OR51M1: variants seen among roughly 807,000 people sequenced by gnomAD.
OR51M1 encodes the protein olfactory receptor 51M1.
For synonymous variants in OR51M1, 199 were observed against 155.1 expected (o/e 1.28, Z -2.10); for missense variants, 509 against 404.4 (o/e 1.26, Z -2.22).
rs193045218 is a variant in OR51M1 at position 5,389,742 on chromosome 11, G to A, written c.344G>A (p.Cys115Tyr). 8.7e-5 allele frequency: 141 copies of A among 1,613,940 alleles called. No homozygotes were observed. In the East Asian group the frequency reaches 3.1e-3, roughly 35 times the overall value. ...YFGACQIQMF[C>Y]IHSFSFMESS... ...GGAGCGTGTCAAATCCAGATGTTCT[G>A]CATCCACTCTTTTTCCTTCATGGAG... The change falls in exon 3 of 3, where the codon TGC becomes TAC. Residue 115 changes from cysteine (C) to tyrosine (Y), a missense_variant. Cys to Tyr is a radical substitution (Grantham distance 194). Coordinates refer to ENST00000642046, the MANE Select transcript of OR51M1 (RefSeq NM_001004756.3).
intron 2 of OR51M1, among the ~76,000 whole-genome samples, chr11:5,387,887 C>G (rs1460585035): frequency 6.6e-6 from 1 of 151,106 alleles, no homozygotes; most frequent in Non-Finnish European, 1.5e-5. Context: ...ATTACATTAC[C>G]TTGCATTGCA....
In OR51M1 at chr11:5,390,100, G is replaced by A; in HGVS notation, c.702G>A (p.Leu234=). Reference sequence around the variant, plus strand: ...TCGCACTGTCCTATGGACTCATCCTGCACACAGTAGCAGGCCTGGCCTCCC... The same window carrying A: ...TCGCACTGTCCTATGGACTCATCCTACACACAGTAGCAGGCCTGGCCTCCC... ...VLIALSYGLI[L]HTVAGLASQE... Residue 234 remains leucine, a synonymous_variant, in exon 3 of 3, where the codon CTG becomes CTA. Coordinates refer to ENST00000642046, the MANE Select transcript of OR51M1 (RefSeq NM_001004756.3). 6.2e-7 allele frequency: 1 copy of A among 1,613,698 alleles called. No individual in the cohort carries two copies. Among genetic ancestry groups the A allele is most frequent in the South Asian group, 1.1e-5 (1 of 91,088 alleles).
Position 5,390,503 on chromosome 11 carries a change from G to T in OR51M1, c.*124G>T. 1 of 787,882 alleles carries T rather than the reference G, an allele frequency of 1.3e-6. No individual in the cohort carries two copies. Among genetic ancestry groups the T allele is most frequent in the Admixed American group, 3.1e-5 (1 of 32,548 alleles). The allele number at this position is 787,882 out of a possible 1,614,324, so 48.8% of individuals were successfully genotyped here. The stretch of plus-strand genomic sequence containing the variant: ...TTGCCCCTGTCCTAAATAAAATATG[G>T]GCAAATTTATGTCTGGAGTTGTGGC... On this transcript the variant is annotated 3_prime_UTR_variant, in exon 3 of 3. Transcript: ENST00000642046.
intron 2 of OR51M1, among the ~76,000 whole-genome samples, chr11:5,385,990 T>C (rs1403080176): frequency 6.6e-6 from 1 of 150,770 alleles, no homozygotes. Flanking sequence ...ATATAAAGAA[T>C]GTGTGTGTGT....
rs764780105 is a variant in OR51M1 at position 5,390,145 on chromosome 11, C to T, written c.747C>T (p.Ala249=). The T allele has an allele frequency of 6.2e-7, 1 of 1,613,882 alleles. No individual in the cohort carries two copies. Among genetic ancestry groups the T allele is most frequent in the African/African-American group, 1.3e-5 (1 of 75,058 alleles). ...GLASQEEQRR[A]FQTCTAPLCA... is the part of the protein sequence containing the mutation. ...CCTCCCAAGAGGAGCAGCGCCGTGCCTTTCAGACATGCACCGCTCCTCTCT... is the reference window on the plus strand; with the variant it reads ...CCTCCCAAGAGGAGCAGCGCCGTGCTTTTCAGACATGCACCGCTCCTCTCT... Residue 249 remains alanine (A), a synonymous_variant, in exon 3 of 3, where the codon GCC becomes GCT. Transcript: ENST00000642046.
chr11:5,389,370 C>A lies in OR51M1; in HGVS notation c.-15-14C>A. ...CTGAAGAATTAATAACCAGAAATAT[C>A]CATTTATTTTCAGCTCAATCCCCGA... is the stretch of plus-strand genomic sequence containing the variant. On this transcript the variant is annotated splice_polypyrimidine_tract_variant and intron_variant, in intron 2 of 2. Transcript: ENST00000642046. The A allele has an allele frequency of 6.3e-7, 1 of 1,597,686 alleles. No homozygotes were observed.
Position 5,392,056 on chromosome 11 carries a change from G to A in OR51M1, c.*1677G>A, listed in dbSNP as rs1255394952. On this transcript the variant is annotated 3_prime_UTR_variant, in exon 3 of 3. Transcript: ENST00000642046. ...TGCCTGGGTGACCAAGTGAGACCCC[G>A]ATTCAAAAATAAAAAGGAAAACAAA... The A allele has an allele frequency of 1.4e-5, 2 of 145,958 alleles. No homozygotes were observed. Among genetic ancestry groups the A allele is most frequent in the South Asian group, 2.3e-4 (1 of 4,382 alleles). The allele number at this position is 145,958 out of a possible 1,614,324, so 9.0% of individuals were successfully genotyped here. A position where few individuals can be genotyped will look rare whatever the true frequency, so the allele number is the denominator to read the frequency against.
At chr11:5,385,290 T>A (rs977424668) in intron 1 of OR51M1, 63 bp from the exon 2 acceptor site, 1 of 152,218 alleles carries the variant, frequency 6.6e-6, no homozygotes, top group Non-Finnish European at 1.5e-5. Context: ...TAAAGCTTTC[T>A]TCCCAAGAGG....
chr11:5,390,104 A>C lies in OR51M1; in HGVS notation c.706A>C (p.Thr236Pro), dbSNP rs753479448. 8 of 1,613,644 alleles carry C rather than the reference A, an allele frequency of 5.0e-6. No individual in the cohort carries two copies. Among genetic ancestry groups the C allele is most frequent in the South Asian group, 1.1e-5 (1 of 91,090 alleles). ...ACTGTCCTATGGACTCATCCTGCAC[A>C]CAGTAGCAGGCCTGGCCTCCCAAGA... The part of the protein sequence containing the change: ...IALSYGLILH[T>P]VAGLASQEEQ... Residue 236 changes from threonine to proline, a missense_variant, in exon 3 of 3, where the codon ACA (threonine) becomes CCA (proline). Physicochemically the swap from Thr to Pro is conservative, Grantham distance 38. Coordinates refer to ENST00000642046, the MANE Select transcript of OR51M1 (RefSeq NM_001004756.3).
intron 2 of OR51M1, among the ~76,000 whole-genome samples, chr11:5,386,439 G>C (rs1849696573): frequency 6.6e-6 from 1 of 152,110 alleles, no homozygotes; most frequent in Non-Finnish European, 1.5e-5. Flanking sequence ...TTGTGAAGTA[G>C]TAATAAAATG....
Position 5,392,688 on chromosome 11 carries a change from GGATCA to G in OR51M1, c.*2310_*2314del, listed in dbSNP as rs1849814096. The G allele has an allele frequency of 1.3e-5, 2 of 152,342 alleles. No homozygotes were observed. The highest frequency in any genetic ancestry group is 4.8e-5 in the African/African-American group (2 of 41,574). 9.4% of individuals were successfully genotyped at this position (152,342 alleles called of 1,614,324 possible). On this transcript the variant is annotated 3_prime_UTR_variant, in exon 3 of 3. Transcript: ENST00000642046. The stretch of plus-strand genomic sequence containing the variant: ...AGCACTCTGGGAGGCCGAGGCGGGT[GGATCA>G]CGAGGTCAGGAGATCGAGACCATCC...
chr11:5,390,051 C>G lies in OR51M1; in HGVS notation c.653C>G (p.Thr218Ser), dbSNP rs1038376819. Residue 218 changes from threonine (T) to serine (S), a missense_variant, in exon 3 of 3, where the codon ACT becomes AGT. Thr to Ser is a moderately conservative substitution (Grantham distance 58, BLOSUM62 1). Coordinates refer to ENST00000642046, the MANE Select transcript of OR51M1 (RefSeq NM_001004756.3). Reference sequence around the variant, plus strand: ...TATGGACTGATGGTGGTAGTTTTCACTGTGATGCTGGACCTGGTGCTCATC... The same window carrying G: ...TATGGACTGATGGTGGTAGTTTTCAGTGTGATGCTGGACCTGGTGCTCATC... ...NLYGLMVVVFTVMLDLVLIAL... is the reference protein window; with the variant it reads ...NLYGLMVVVFSVMLDLVLIAL... The G allele has an allele frequency of 1.2e-6, 2 of 1,613,700 alleles. No homozygotes were observed. The highest frequency in any genetic ancestry group is 1.7e-6 in the Non-Finnish European group (2 of 1,179,900).
At chr11:5,385,149 TA>T (rs1418762663) in intron 1 of OR51M1, among the ~76,000 whole-genome samples, 3 of 152,242 alleles carry the variant, frequency 2.0e-5, no homozygotes, top group Admixed American at 6.5e-5. Context: ...CTGCCTTGAA[TA>T]TTTTAATTAT....
At chr11:5,388,917 A>G (rs559879068) in intron 2 of OR51M1, among the ~76,000 whole-genome samples, 1 of 152,322 alleles carries the variant, frequency 6.6e-6, no homozygotes, top group South Asian at 2.1e-4. Context: ...GATATGGAGA[A>G]GTCTAACATA....
At chr11:5,387,408 G>A (rs11037153) in intron 2 of OR51M1, among the ~76,000 whole-genome samples, 19,374 of 152,166 alleles carry the variant, frequency 0.13, 1,352 homozygotes, top group Non-Finnish European at 0.16. Flanking sequence ...AGGGTGGTTG[G>A]TTGAGTAGTA....
chr11:5,386,433 G>C (rs1311299758), intron 2 of OR51M1, among the ~76,000 whole-genome samples: 4 of 152,162 alleles, frequency 2.6e-5, no homozygotes, highest in African/African-American at 7.2e-5. Context: ...TTCTCCTTGT[G>C]AAGTAGTAAT....
chr11:5,391,321 A>C lies in OR51M1; in HGVS notation c.*942A>C, dbSNP rs766021213. ...CTCCCTTTCCAATGGTAAAGCACCAAATGCTCCATCGGTTTCCTTCCACAG... is the reference window on the plus strand; with the variant it reads ...CTCCCTTTCCAATGGTAAAGCACCACATGCTCCATCGGTTTCCTTCCACAG... On this transcript the variant is annotated 3_prime_UTR_variant, in exon 3 of 3. Transcript: ENST00000642046. The C allele has an allele frequency of 6.6e-6, 1 of 152,218 alleles. No homozygotes were observed. Among genetic ancestry groups the C allele is most frequent in the Non-Finnish European group, 1.5e-5 (1 of 68,046 alleles). The allele number at this position is 152,218 out of a possible 1,614,324, so 9.4% of individuals were successfully genotyped here. A position where few individuals can be genotyped will look rare whatever the true frequency, so the allele number is the denominator to read the frequency against.
chr11:5,389,393 C>G lies in OR51M1; in HGVS notation c.-6C>G, dbSNP rs530716323. On this transcript the variant is annotated 5_prime_UTR_variant, in exon 3 of 3. Transcript: ENST00000642046. ...ATCCATTTATTTTCAGCTCAATCCC[C>G]GAGGAATGTCAGTCCAATATTCGCT... is the stretch of plus-strand genomic sequence containing the variant. 23 of 1,609,292 alleles carry G rather than the reference C, an allele frequency of 1.4e-5. No homozygotes were observed. Among genetic ancestry groups the G allele is most frequent in the Non-Finnish European group, 2.0e-5 (23 of 1,176,458 alleles).
rs1032365438 is a variant in OR51M1 at position 5,391,446 on chromosome 11, A to C, written c.*1067A>C. On this transcript the variant is annotated 3_prime_UTR_variant, in exon 3 of 3. Transcript: ENST00000642046. Reference sequence around the variant, plus strand: ...AGAATGACTAAATCAAGATCCCTGGAGGAATTAGGCATGTCTTGCTCGCCA... The same window carrying C: ...AGAATGACTAAATCAAGATCCCTGGCGGAATTAGGCATGTCTTGCTCGCCA... The C allele has an allele frequency of 6.6e-6, 1 of 152,226 alleles. No homozygotes were observed. The highest frequency in any genetic ancestry group is 2.4e-5 in the African/African-American group (1 of 41,442). 9.4% of individuals were successfully genotyped at this position (152,226 alleles called of 1,614,324 possible).
Sources: gnomAD v4.1 joint callset for allele counts (sites outside exome capture counted in the v4.1 genomes callset) on GRCh38, gnomAD v4.1.1 for gene constraint, MANE v1.5 for transcripts, NCBI Gene and HGNC (gene_info 2026-07-23, HGNC 2026-07-21) for gene names.